The following CCHCR1 variants were observed in gnomAD, a reference collection of about 807,000 sequenced individuals.
CCHCR1 encodes HCR (a-helix coiled-coil rod homologue).
Under a neutral mutation model 114.6 loss-of-function variants are expected in CCHCR1, and 91 were observed. That is an observed-to-expected ratio of 0.79 (90% confidence interval 0.67 to 0.94). The LOEUF is 0.94. Ranked by LOEUF, CCHCR1 falls within the 40% of genes least tolerant of loss-of-function variation. The probability of loss-of-function intolerance (pLI) is 0.00; values close to 1 mark genes in which losing one functional copy is unlikely to be tolerated. For synonymous variants in CCHCR1, 379 were observed against 428.5 expected (o/e 0.88, Z 1.43); for missense variants, 899 against 1,079.9 (o/e 0.83, Z 2.35).
chr6:31,147,314 C>T (rs908256589), intron 10 of CCHCR1, among the ~76,000 whole-genome samples: 89 of 149,230 alleles, frequency 6.0e-4, no homozygotes, highest in Admixed American at 6.8e-4. Flanking sequence ...GCAGGAAAAT[C>T]GTGTGAACCC....
In CCHCR1 at chr6:31,154,429, T is replaced by G; in HGVS notation, c.801+67A>C. On this transcript the variant is annotated intron_variant, in intron 4 of 17. Transcript: ENST00000396268. This position sits in a 1 kb window ranked among gnomAD's most constrained non-coding sequence, Gnocchi z 4.1. ...GGAGGGTCTTTTCTGCAATACCTGT[T>G]CTTTGCTTGGAAGCTACTGCCCAGC... 2 of 1,310,196 alleles carry G rather than the reference T, an allele frequency of 1.5e-6. No individual in the cohort carries two copies. Among genetic ancestry groups the G allele is most frequent in the Non-Finnish European group, 2.2e-6 (2 of 923,246 alleles). The allele number at this position is 1,310,196 out of a possible 1,614,324, so 81.2% of individuals were successfully genotyped here.
chr6:31,157,817 C>T, upstream of CCHCR1: 1 of 585,020 alleles, frequency 1.7e-6, no homozygotes, highest in Non-Finnish European at 3.0e-6. Flanking sequence ...ACCCTCCCAC[C>T]CTCATTAATC....
At position 31,150,469 on chromosome 6, in the gene CCHCR1, C is replaced by G; in HGVS notation, c.1198G>C (p.Glu400Gln). The G allele has an allele frequency of 6.2e-7, 1 of 1,612,006 alleles. No individual in the cohort carries two copies. The highest frequency in any genetic ancestry group is 8.5e-7 in the Non-Finnish European group (1 of 1,179,578). ...LTHILALQEE[E>Q]LTRKVQPSDS... ...TTGGGCTGTACCTTCCTGGTCAGCT[C>G]CTCCTCCTGCAGGGCGAGGATGTGT... Residue 400 changes from glutamate (E) to glutamine (Q), a missense_variant, in exon 7 of 18, where the codon GAG becomes CAG. Glu to Gln is a conservative substitution (Grantham distance 29, BLOSUM62 2). Transcript: ENST00000396268. This position sits in a 1 kb window ranked among gnomAD's most constrained non-coding sequence, Gnocchi z 5.3.
At position 31,151,905 on chromosome 6, in the gene CCHCR1, CCT is replaced by C; in HGVS notation, c.802-785_802-784del. On this transcript the variant is annotated intron_variant, in intron 4 of 17. Transcript: ENST00000396268. The surrounding 1 kb of genome is among the most constrained non-coding windows in gnomAD (Gnocchi z 4.1). ...TGCTTCCTGGTCTGCCTCCTCTAGC[CCT>C]GTCTCCATACAACAATAAAATTAAT... Among the ~76,000 whole-genome samples, 1 of 152,080 alleles carries C rather than the reference CCT, an allele frequency of 6.6e-6. No homozygotes were observed. Among genetic ancestry groups the C allele is most frequent in the Non-Finnish European group, 1.5e-5 (1 of 68,016 alleles).
Position 31,151,026 on chromosome 6 carries a change from T to C in CCHCR1, c.898A>G (p.Arg300Gly). 1.2e-6 allele frequency: 2 copies of C among 1,613,116 alleles called. No individual in the cohort carries two copies. The highest frequency in any genetic ancestry group is 1.7e-6 in the Non-Finnish European group (2 of 1,180,050). ...EKSLSSLETR[R>G]AGEAKELAEA... ...GCCAGCTCCTTGGCTTCCCCTGCTCTTCTGGTTTCCAGACTACTCAGAGAC... is the reference window on the plus strand; with the variant it reads ...GCCAGCTCCTTGGCTTCCCCTGCTCCTCTGGTTTCCAGACTACTCAGAGAC... Residue 300 changes from arginine to glycine, a missense_variant, in exon 5 of 18, where the codon AGA becomes GGA. Transcript: ENST00000396268. This position sits in a 1 kb window ranked among gnomAD's most constrained non-coding sequence, Gnocchi z 4.1.
At chr6:31,153,693 C>T (rs182145305) in intron 4 of CCHCR1, among the ~76,000 whole-genome samples, 121 of 152,338 alleles carry the variant, frequency 7.9e-4, no homozygotes, top group African/African-American at 2.8e-3. Flanking sequence ...GATTCTCCTG[C>T]CTCGGCCTCC....
intron 4 of CCHCR1, among the ~76,000 whole-genome samples, chr6:31,153,418 CTTT>C (rs977483953): frequency 6.7e-6 from 1 of 149,572 alleles, no homozygotes; most frequent in Non-Finnish European, 1.5e-5. Flanking sequence ...ATAAATATAG[CTTT>C]TTTTTTTCTT....
At position 31,142,670 on chromosome 6, in the gene CCHCR1, G is replaced by A. The variant is rs1773706660; in HGVS notation, c.2538C>T (p.Ala846=). The part of the protein sequence containing the change: ...LLDDLQDLSE[A]ISKEEAVCQG... ...GACAAACAGCTTCCTCTTTGGAAAT[G>A]GCTTCACTCAGGTCCTGCAGGTCAT... Residue 846 remains alanine, a synonymous_variant, in exon 18 of 18, where the codon GCC becomes GCT. Coordinates refer to ENST00000396268, the MANE Select transcript of CCHCR1 (RefSeq NM_001105564.2). 1 of 1,613,176 alleles carries A rather than the reference G, an allele frequency of 6.2e-7. No individual in the cohort carries two copies. Among genetic ancestry groups the A allele is most frequent in the African/African-American group, 1.3e-5 (1 of 74,940 alleles).
rs755965766 is a variant in CCHCR1, at chr6:31,154,685, C to T, written c.612G>A (p.Ser204=). ...CCTCTAGCCTCATCTTCTGCTGCAG[C>T]GAGGTCTCCCGCAGGAGCCGGACCT... ...EEEVRLLRET[S]LQQKMRLEAQ... Residue 204 remains serine, a synonymous_variant, in exon 4 of 18, where the codon TCG becomes TCA. Transcript: ENST00000396268. This position sits in a 1 kb window ranked among gnomAD's most constrained non-coding sequence, Gnocchi z 4.1. 81 of 1,610,640 alleles carry T rather than the reference C, an allele frequency of 5.0e-5. No individual in the cohort carries two copies. Among genetic ancestry groups the T allele is most frequent in the Non-Finnish European group, 6.5e-5 (77 of 1,179,940 alleles).
intron 10 of CCHCR1, among the ~76,000 whole-genome samples, chr6:31,146,725 CAG>C (rs1774389868): frequency 6.6e-6 from 1 of 152,186 alleles, no homozygotes. Context: ...CAGCAACAAT[CAG>C]AGTTTGGACT....
intron 10 of CCHCR1, among the ~76,000 whole-genome samples, chr6:31,147,325 G>A (rs770942759): frequency 4.6e-5 from 7 of 151,314 alleles, no homozygotes; most frequent in Admixed American, 6.6e-5. Context: ...GTGTGAACCC[G>A]GGAGGCAGAG....
chr6:31,145,387 T>C, intron 12 of CCHCR1, 61 bp downstream of exon 12: 2 of 1,612,600 alleles, frequency 1.2e-6, no homozygotes, highest in Non-Finnish European at 1.7e-6. Flanking sequence ...CCTCATGGTT[T>C]TGGGGGTCCC....
Position 31,145,432 on chromosome 6 carries a change from A to G in CCHCR1, c.1739+16T>C. The G allele has an allele frequency of 1.2e-6, 2 of 1,614,148 alleles. No individual in the cohort carries two copies. Among genetic ancestry groups the G allele is most frequent in the Non-Finnish European group, 1.7e-6 (2 of 1,180,020 alleles). On this transcript the variant is annotated intron_variant, in intron 12 of 17. Coordinates refer to ENST00000396268, the MANE Select transcript of CCHCR1 (RefSeq NM_001105564.2). ...TGCCCTAAAGCCCCATCCACCTCAA[A>G]GTGCCCAAACTTCACCTCTCCTGGC...
rs1055798195 is a variant in CCHCR1 at position 31,154,042 on chromosome 6, T to C, written c.801+454A>G. ...TGTATATCCCCCACGAGGCTGTCAG[T>C]TCCATCCACGAAGGCAGGACTCAGG... is the stretch of plus-strand genomic sequence containing the variant. On this transcript the variant is annotated intron_variant, in intron 4 of 17. Transcript: ENST00000396268. This position sits in a 1 kb window ranked among gnomAD's most constrained non-coding sequence, Gnocchi z 4.1. Among the ~76,000 whole-genome samples, 1 of 152,186 alleles carries C rather than the reference T, an allele frequency of 6.6e-6. No individual in the cohort carries two copies. Among genetic ancestry groups the C allele is most frequent in the Non-Finnish European group, 1.5e-5 (1 of 68,038 alleles).
chr6:31,157,027 A>C lies in CCHCR1; in HGVS notation c.279T>G (p.Pro93=). 6.2e-7 allele frequency: 1 copy of C among 1,612,340 alleles called. No homozygotes were observed. The highest frequency in any genetic ancestry group is 8.5e-7 in the Non-Finnish European group (1 of 1,179,518). ...CCCTTGTCTGGTCCCACTGACCTGA[A>C]GGTGGAAACATCTCCACATTATTTG... The part of the protein sequence containing the change: ...EPSNNVEMFP[P]SGSTGLIPPS... The change falls in exon 2 of 18, where the codon CCT becomes CCG. Residue 93 remains proline (P), a synonymous_variant. Coordinates refer to ENST00000396268, the MANE Select transcript of CCHCR1 (RefSeq NM_001105564.2).
At position 31,154,051 on chromosome 6, in the gene CCHCR1, C is replaced by T. The variant is rs1046921360; in HGVS notation, c.801+445G>A. Among the ~76,000 whole-genome samples the T allele has an allele frequency of 3.3e-5, 5 of 152,186 alleles. No individual in the cohort carries two copies. The highest frequency in any genetic ancestry group is 7.2e-5 in the African/African-American group (3 of 41,440). Reference sequence around the variant, plus strand: ...CCCACGAGGCTGTCAGTTCCATCCACGAAGGCAGGACTCAGGCTAATTTGG... The same window carrying T: ...CCCACGAGGCTGTCAGTTCCATCCATGAAGGCAGGACTCAGGCTAATTTGG... On this transcript the variant is annotated intron_variant, in intron 4 of 17. Coordinates refer to ENST00000396268, the MANE Select transcript of CCHCR1 (RefSeq NM_001105564.2). This position sits in a 1 kb window ranked among gnomAD's most constrained non-coding sequence, Gnocchi z 4.1.
At position 31,148,419 on chromosome 6, in the gene CCHCR1, G is replaced by A. The variant is rs753005989; in HGVS notation, c.1566C>T (p.Val522=). 6.2e-7 allele frequency: 1 copy of A among 1,602,000 alleles called. No homozygotes were observed. Among genetic ancestry groups the A allele is most frequent in the Admixed American group, 1.7e-5 (1 of 59,740 alleles). The part of the protein sequence containing the change: ...ASAEEQLRLV[V]NAVSSSQIWL... Reference sequence around the variant, plus strand: ...ATCCCTGATACCTGCTGACAGCATTGACCACAAGCCTCAGCTGCTCCTCGG... The same window carrying A: ...ATCCCTGATACCTGCTGACAGCATTAACCACAAGCCTCAGCTGCTCCTCGG... The change falls in exon 10 of 18, where the codon GTC becomes GTT. Residue 522 remains valine, a synonymous_variant. Transcript: ENST00000396268.
In CCHCR1 at chr6:31,154,868, T is replaced by G; in HGVS notation, c.498-69A>C. The G allele has an allele frequency of 7.1e-7, 1 of 1,400,856 alleles. No homozygotes were observed. Among genetic ancestry groups the G allele is most frequent in the Non-Finnish European group, 9.5e-7 (1 of 1,048,216 alleles). 86.8% of individuals were successfully genotyped at this position (1,400,856 alleles called of 1,614,324 possible). A position where few individuals can be genotyped will look rare whatever the true frequency, so the allele number is the denominator to read the frequency against. On this transcript the variant is annotated intron_variant, in intron 3 of 17. Transcript: ENST00000396268. This position sits in a 1 kb window ranked among gnomAD's most constrained non-coding sequence, Gnocchi z 4.1. Reference sequence around the variant, plus strand: ...GGAAGGATAGTTGAGGGCATAAACATAGCCAGGAGAAGGAAAAGAGGACCC... The same window carrying G: ...GGAAGGATAGTTGAGGGCATAAACAGAGCCAGGAGAAGGAAAAGAGGACCC...
In CCHCR1 at chr6:31,151,249, T is replaced by A; in HGVS notation, c.802-127A>T. On this transcript the variant is annotated intron_variant, in intron 4 of 17. Transcript: ENST00000396268. The surrounding 1 kb of genome is among the most constrained non-coding windows in gnomAD (Gnocchi z 4.1). ...CAATCAGCCAACTGTGCACAGCAAA[T>A]GGAGAGCTGGCAACTCACTCTCCGC... 2 of 1,000,878 alleles carry A rather than the reference T, an allele frequency of 2.0e-6. No individual in the cohort carries two copies. Among genetic ancestry groups the A allele is most frequent in the Non-Finnish European group, 2.9e-6 (2 of 685,040 alleles). 62.0% of individuals were successfully genotyped at this position (1,000,878 alleles called of 1,614,324 possible). A position where few individuals can be genotyped will look rare whatever the true frequency, so the allele number is the denominator to read the frequency against.
Sources: gnomAD v4.1 joint callset for allele counts (sites outside exome capture counted in the v4.1 genomes callset) on GRCh38, gnomAD v4.1.1 for gene constraint, Gnocchi (gnomAD v3.1) non-coding constraint, MANE v1.5 for transcripts, NCBI Gene and HGNC (gene_info 2026-07-23, HGNC 2026-07-21) for gene names.